SLC35F1: variants seen among roughly 807,000 people sequenced by gnomAD.
The protein encoded by SLC35F1 is chromosome 6 open reading frame 169.
SLC35F1 carries 14 observed loss-of-function variants against 48.7 expected under a neutral mutation model. The observed-to-expected ratio is 0.29, with a 90% confidence interval of 0.19 to 0.45. The LOEUF (loss-of-function observed/expected upper bound fraction) is 0.45, where lower values mean the gene tolerates loss of function less well. Ranked by LOEUF, SLC35F1 falls within the 20% of genes least tolerant of loss-of-function variation. The probability of loss-of-function intolerance (pLI) is 1.00; values close to 1 mark genes in which losing one functional copy is unlikely to be tolerated. For synonymous variants in SLC35F1, 190 were observed against 202.2 expected (o/e 0.94, Z 0.51); for missense variants, 404 against 500.0 (o/e 0.81, Z 1.83).
rs1240715911 is a variant in SLC35F1, at chr6:118,315,529, T to TC, written c.*1279dup. 2 of 135,956 alleles carry TC rather than the reference T, an allele frequency of 1.5e-5. No homozygotes were observed. Among genetic ancestry groups the TC allele is most frequent in the Non-Finnish European group, 3.1e-5 (2 of 65,494 alleles). The allele number at this position is 135,956 out of a possible 1,614,324, so 8.4% of individuals were successfully genotyped here. A position where few individuals can be genotyped will look rare whatever the true frequency, so the allele number is the denominator to read the frequency against. ...ATCTCAGCTCACTGCAACCTCCGCC[T>TC]CCGGGATTCACACCATTCTCCTGCC... On this transcript the variant is annotated 3_prime_UTR_variant, in exon 8 of 8. Coordinates refer to ENST00000360388, the MANE Select transcript of SLC35F1 (RefSeq NM_001029858.4).
intron 7 of SLC35F1, among the ~76,000 whole-genome samples, chr6:118,302,980 G>GAAA (rs5879459): frequency 0.015 from 2,236 of 145,384 alleles, 59 homozygotes; most frequent in African/African-American, 0.049. Context: ...AGCTTATTTA[G>GAAA]AAAAAAAAAA....
intron 1 of SLC35F1, among the ~76,000 whole-genome samples, chr6:118,072,102 C>T (rs1025729947): frequency 6.6e-6 from 1 of 152,180 alleles, no homozygotes; most frequent in Admixed American, 6.5e-5. Context: ...TTGCATTTTA[C>T]ATGTTTTTAT....
chr6:118,055,576 A>C (rs1772451961), intron 1 of SLC35F1, among the ~76,000 whole-genome samples: 1 of 152,238 alleles, frequency 6.6e-6, no homozygotes, highest in African/African-American at 2.4e-5. Context: ...CTCATAACTC[A>C]AACCTAATGG....
chr6:118,026,959 C>G (rs1771961436), intron 1 of SLC35F1, among the ~76,000 whole-genome samples: 1 of 151,996 alleles, frequency 6.6e-6, no homozygotes. Context: ...TTTTCTGGTC[C>G]CTTTTGTTGT....
At chr6:118,137,816 G>C (rs1773819357) in intron 1 of SLC35F1, among the ~76,000 whole-genome samples, 1 of 152,126 alleles carries the variant, frequency 6.6e-6, no homozygotes, top group Non-Finnish European at 1.5e-5. Flanking sequence ...ATCATTTATA[G>C]AACCTACCAT....
intron 1 of SLC35F1, among the ~76,000 whole-genome samples, chr6:118,002,209 C>T (rs1189225615): frequency 1.3e-5 from 2 of 151,716 alleles, no homozygotes; most frequent in Non-Finnish European, 2.9e-5. Flanking sequence ...CCCAAATGTC[C>T]AACATTGATA....
chr6:118,062,969 A>G (rs4538743), intron 1 of SLC35F1, among the ~76,000 whole-genome samples: 121,194 of 151,996 alleles, frequency 0.8, 48,532 homozygotes, highest in East Asian at 1. Flanking sequence ...ATCTCCTAAT[A>G]CTGGAATTTT....
intron 1 of SLC35F1, among the ~76,000 whole-genome samples, chr6:118,098,347 C>T (rs1773208177): frequency 6.6e-6 from 1 of 152,176 alleles, no homozygotes. Flanking sequence ...ATCAGTGTCT[C>T]CTGATGCTAG....
intron 1 of SLC35F1, among the ~76,000 whole-genome samples, chr6:118,018,305 A>C (rs1210805582): frequency 6.6e-6 from 1 of 151,978 alleles, no homozygotes; most frequent in African/African-American, 2.4e-5. Flanking sequence ...CGGGAGGCGG[A>C]GGTTGCAGTG....
intron 2 of SLC35F1, among the ~76,000 whole-genome samples, chr6:118,231,262 T>A (rs1037620174): frequency 1.3e-4 from 20 of 152,190 alleles, no homozygotes; most frequent in Non-Finnish European, 2.8e-4. Flanking sequence ...CAAACTGTAA[T>A]TCTAAAGTTT....
At chr6:118,162,639 T>C (rs1249928333) in intron 2 of SLC35F1, among the ~76,000 whole-genome samples, 4 of 152,200 alleles carry the variant, frequency 2.6e-5, no homozygotes, top group Admixed American at 6.5e-5. Flanking sequence ...GTTTACAATA[T>C]GCAGCTATTC....
At chr6:118,183,421 C>A (rs2114513353) in intron 2 of SLC35F1, among the ~76,000 whole-genome samples, 1 of 151,936 alleles carries the variant, frequency 6.6e-6, no homozygotes, top group Non-Finnish European at 1.5e-5. Flanking sequence ...AGCACACCAG[C>A]ATGGCACATG....
rs953681405 is a variant in SLC35F1, at chr6:117,912,107, G to A, written c.173+4208G>A. Among the ~76,000 whole-genome samples the A allele has an allele frequency of 3.9e-5, 6 of 152,294 alleles. No homozygotes were observed. In the South Asian group the frequency reaches 1.2e-3, roughly 32 times the overall value. Reference sequence around the variant, plus strand: ...TTCTTCCCATTAAGACATACAGTGGGTTGTCTCAAATTATAAAGGGGTTTC... The same window carrying A: ...TTCTTCCCATTAAGACATACAGTGGATTGTCTCAAATTATAAAGGGGTTTC... On this transcript the variant is annotated intron_variant, in intron 1 of 7. Coordinates refer to ENST00000360388, the MANE Select transcript of SLC35F1 (RefSeq NM_001029858.4).
At chr6:118,078,903 T>G (rs1253794536) in intron 1 of SLC35F1, among the ~76,000 whole-genome samples, 1 of 152,178 alleles carries the variant, frequency 6.6e-6, no homozygotes, top group Non-Finnish European at 1.5e-5. Flanking sequence ...CATGGCTGTT[T>G]AAGACTGGCT....
chr6:118,020,770 T>C (rs1168204217), intron 1 of SLC35F1, among the ~76,000 whole-genome samples: 1 of 152,162 alleles, frequency 6.6e-6, no homozygotes, highest in African/African-American at 2.4e-5. Flanking sequence ...AGAGTTGGGC[T>C]TGAGTAGGTT....
chr6:118,294,256 T>C (rs541800812), intron 7 of SLC35F1, among the ~76,000 whole-genome samples: 2 of 152,356 alleles, frequency 1.3e-5, no homozygotes, highest in East Asian at 3.9e-4. Context: ...GTCTCATGCA[T>C]AAAAATGTAG....
chr6:118,260,591 A>G (rs1333247558), intron 3 of SLC35F1, among the ~76,000 whole-genome samples: 1 of 152,176 alleles, frequency 6.6e-6, no homozygotes, highest in African/African-American at 2.4e-5. Flanking sequence ...ACAAAAAATT[A>G]TTAAATAAAT....
chr6:118,068,526 G>T (rs1439106753), intron 1 of SLC35F1, among the ~76,000 whole-genome samples: 1 of 152,108 alleles, frequency 6.6e-6, no homozygotes, highest in Non-Finnish European at 1.5e-5. Flanking sequence ...TAATCCTTTT[G>T]TAAAACTTGG....
At chr6:118,291,820 TA>T (rs1289530903) in intron 7 of SLC35F1, among the ~76,000 whole-genome samples, 1 of 152,110 alleles carries the variant, frequency 6.6e-6, no homozygotes, top group Non-Finnish European at 1.5e-5. Context: ...CTGAAGAGTT[TA>T]AAAAATACTG....
Sources: allele counts gnomAD v4.1 joint callset (sites outside exome capture counted in the v4.1 genomes callset), GRCh38; gene constraint gnomAD v4.1.1; transcripts MANE v1.5; gene names NCBI Gene and HGNC (gene_info 2026-07-23, HGNC 2026-07-21).